Variants in NCKAP5 observed in about 807,000 individuals in gnomAD.
The protein encoded by NCKAP5 is NCK associated protein 5, also known as nck-associated protein 5.
NCKAP5 carries 92 observed loss-of-function variants against 167.0 expected under a neutral mutation model. The observed-to-expected ratio is 0.55, with a 90% CI of 0.47 to 0.66. NCKAP5 has a LOEUF of 0.66. NCKAP5 is among the 30% of genes least tolerant of loss of function. NCKAP5 has a pLI of 0.00. For synonymous variants in NCKAP5, 891 were observed against 877.4 expected, an observed-to-expected ratio of 1.02 and a Z score of -0.27; for missense variants, 2,378 against 2,315.0, an observed-to-expected ratio of 1.03 and a Z score of -0.56.
At chr2:133,066,128 G>A (rs920353940) in intron 6 of NCKAP5, among the ~76,000 whole-genome samples, 3 of 152,178 alleles carry the variant, frequency 2.0e-5, no homozygotes, top group African/African-American at 7.2e-5. Flanking sequence ...AAGCATAATT[G>A]ATGGCTAGAA....
intron 11 of NCKAP5, among the ~76,000 whole-genome samples, chr2:132,815,827 C>G (rs1016295645): frequency 2.6e-5 from 4 of 152,126 alleles, no homozygotes; most frequent in Non-Finnish European, 4.4e-5. Flanking sequence ...GATTGGAATC[C>G]AATAGACCAA....
chr2:132,914,686 G>A (rs1694726374), intron 8 of NCKAP5, among the ~76,000 whole-genome samples: 1 of 151,974 alleles, frequency 6.6e-6, no homozygotes, highest in East Asian at 1.9e-4. Context: ...TATGACCACT[G>A]AAGGTACTCA....
intron 5 of NCKAP5, among the ~76,000 whole-genome samples, chr2:133,144,597 T>C (rs1047107507): frequency 2.0e-5 from 3 of 152,096 alleles, no homozygotes; most frequent in East Asian, 1.9e-4. Flanking sequence ...AAAAATTAAG[T>C]GTGTGTTTTC....
chr2:132,899,739 G>A (rs1010481035), intron 8 of NCKAP5, among the ~76,000 whole-genome samples: 1 of 152,120 alleles, frequency 6.6e-6, no homozygotes. Flanking sequence ...AAGCATTGTG[G>A]TGTCACACAC....
intron 4 of NCKAP5, among the ~76,000 whole-genome samples, chr2:133,239,205 T>A (rs1453822606): frequency 6.6e-6 from 1 of 152,232 alleles, no homozygotes; most frequent in Non-Finnish European, 1.5e-5. Context: ...GAATTTTTAA[T>A]GAGCAGCTGC....
intron 3 of NCKAP5, among the ~76,000 whole-genome samples, chr2:133,375,168 G>C (rs1341834574): frequency 6.6e-6 from 1 of 152,182 alleles, no homozygotes; most frequent in Non-Finnish European, 1.5e-5. Flanking sequence ...CATTTGAAGT[G>C]ATGAACACAA....
At chr2:132,742,076 CT>C (rs1489900622) in intron 16 of NCKAP5, among the ~76,000 whole-genome samples, 1 of 152,052 alleles carries the variant, frequency 6.6e-6, no homozygotes, top group Non-Finnish European at 1.5e-5. Context: ...ATCTTTGCTT[CT>C]GTACAACAAT....
chr2:133,513,814 T>C (rs999005555), intron 3 of NCKAP5, among the ~76,000 whole-genome samples: 6 of 150,898 alleles, frequency 4.0e-5, no homozygotes, highest in Non-Finnish European at 7.4e-5. Flanking sequence ...GTTACTCTCA[T>C]CTGTGCTTAA....
In NCKAP5 at chr2:133,323,331, AG is replaced by A. The variant is rs201600344; in HGVS notation, c.70-20222del. Among the ~76,000 whole-genome samples, 67 of 152,350 alleles carry A rather than the reference AG, an allele frequency of 4.4e-4. 1 individual carries two copies. In the East Asian group the frequency reaches 0.013, roughly 29 times the overall value. The stretch of plus-strand genomic sequence containing the variant: ...TCAGCAAACATTAGTTCTATGGATC[AG>A]GGAAACAATTTACATATCATATTGC... On this transcript the variant is annotated intron_variant, in intron 3 of 19. Transcript: ENST00000409261.
chr2:133,195,244 T>C (rs1260204864), intron 5 of NCKAP5, among the ~76,000 whole-genome samples: 1 of 152,156 alleles, frequency 6.6e-6, no homozygotes, highest in African/African-American at 2.4e-5. Context: ...AATTAGGTTC[T>C]TCTAAAAAGT....
chr2:133,216,868 C>T (rs899196492), intron 4 of NCKAP5, among the ~76,000 whole-genome samples: 1 of 152,042 alleles, frequency 6.6e-6, no homozygotes, highest in Non-Finnish European at 1.5e-5. Flanking sequence ...GTGTGTACAT[C>T]TTACAGATGT....
intron 3 of NCKAP5, among the ~76,000 whole-genome samples, chr2:133,427,936 T>C (rs1689916715): frequency 6.6e-6 from 1 of 152,090 alleles, no homozygotes. Context: ...AGAAGACCTA[T>C]ATGAGGAAAA....
intron 8 of NCKAP5, among the ~76,000 whole-genome samples, chr2:132,890,331 A>C (rs993028712): frequency 2.0e-5 from 3 of 152,118 alleles, no homozygotes; most frequent in Non-Finnish European, 4.4e-5. Context: ...TGGGGAGGCC[A>C]AAGGGCTGTA....
rs765510579 is a variant in NCKAP5, at chr2:132,783,596, G to A, written c.3215C>T (p.Thr1072Ile). 1.2e-6 allele frequency: 2 copies of A among 1,613,986 alleles called. No homozygotes were observed. Among genetic ancestry groups the A allele is most frequent in the Non-Finnish European group, 1.7e-6 (2 of 1,179,894 alleles). ...GLQTPRISPSTHEPLEMTSSK... is the reference protein window; with the variant it reads ...GLQTPRISPSIHEPLEMTSSK... ...GGACGTCATTTCCAGTGGCTCATGG[G>A]TTGAAGGAGAGATCCTGGGAGTCTG... Residue 1072 changes from threonine to isoleucine, a missense_variant, in exon 14 of 20, where the codon ACC (threonine) becomes ATC (isoleucine). Thr to Ile is a moderately conservative substitution (Grantham distance 89, BLOSUM62 -1). Around this residue, in one of 3 missense-constraint regions of NCKAP5, gnomAD observed 1,325 missense variants for 1,274.5 expected, o/e 1.04. Transcript: ENST00000409261.
chr2:133,059,719 A>C (rs2079930398), intron 6 of NCKAP5, among the ~76,000 whole-genome samples: 2 of 152,054 alleles, frequency 1.3e-5, no homozygotes, highest in African/African-American at 4.8e-5. Context: ...AGGTACGTAC[A>C]TTTTTAAAAG....
chr2:133,024,341 C>T (rs6705690), intron 6 of NCKAP5, among the ~76,000 whole-genome samples: 65,470 of 151,960 alleles, frequency 0.43, 15,786 homozygotes, highest in Non-Finnish European at 0.54. Flanking sequence ...CAGACCTTTA[C>T]AAGATATCAA....
At chr2:133,545,543 G>A (rs1052752934) in intron 2 of NCKAP5, among the ~76,000 whole-genome samples, 1 of 152,056 alleles carries the variant, frequency 6.6e-6, no homozygotes, top group Admixed American at 6.5e-5. Context: ...CTATCTGCCT[G>A]TGGGCTCTGC....
intron 5 of NCKAP5, among the ~76,000 whole-genome samples, chr2:133,137,500 G>A (rs1559179746): frequency 6.6e-6 from 1 of 151,332 alleles, no homozygotes; most frequent in Non-Finnish European, 1.5e-5. Flanking sequence ...CAGAAGAGGA[G>A]AAGGGTGGGG....
chr2:133,474,893 C>T lies in NCKAP5; in HGVS notation c.69+42565G>A, dbSNP rs185863681. On this transcript the variant is annotated intron_variant, in intron 3 of 19. Coordinates refer to ENST00000409261, the MANE Select transcript of NCKAP5 (RefSeq NM_207363.3). ...TGGCACAATCTCGGCTCACTGCAAC[C>T]TCTGCCTCCTGGGGTCAAGTGATTC... 6.7e-4 allele frequency among the ~76,000 whole-genome samples: 102 copies of T among 152,212 alleles called. 1 individual carries two copies. The highest frequency in any genetic ancestry group is 4.5e-3 in the Admixed American group (69 of 15,292).
Sources: gnomAD v4.1 joint callset for allele counts (sites outside exome capture counted in the v4.1 genomes callset) on GRCh38, gnomAD v4.1.1 for gene constraint, gnomAD v4.1.1 regional missense constraint, MANE v1.5 for transcripts, NCBI Gene and HGNC (gene_info 2026-07-23, HGNC 2026-07-21) for gene names.